TAFA1: variants seen among roughly 807,000 people sequenced by gnomAD.
TAFA1 encodes the protein chemokine-like protein TAFA-1.
Under a neutral mutation model 18.5 loss-of-function variants are expected in TAFA1, and 4 were observed. The observed-to-expected ratio is 0.22, with a 90% CI of 0.11 to 0.49. TAFA1 has a LOEUF of 0.49. Ranked by LOEUF, TAFA1 falls within the 20% of genes least tolerant of loss-of-function variation. The pLI, the probability that TAFA1 is intolerant of heterozygous loss-of-function variation, is 0.98. For synonymous variants in TAFA1, 56 were observed against 55.2 expected (o/e 1.01, Z -0.06); for missense variants, 147 against 169.0 (o/e 0.87, Z 0.72).
chr3:68,322,630 G>A (rs1363947955), intron 2 of TAFA1, among the ~76,000 whole-genome samples: 1 of 152,076 alleles, frequency 6.6e-6, no homozygotes, highest in African/African-American at 2.4e-5. Context: ...CCAGGAGTTG[G>A]CTGCTATAAG....
rs763656141 is a variant in TAFA1 at position 68,510,758 on chromosome 3, A to G, written c.260-27998A>G. The stretch of plus-strand genomic sequence containing the variant: ...CTGGGGAATTTTGACTCCCAATTCA[A>G]TTTCTTCCCACTGTCTCTTTTGCAT... On this transcript the variant is annotated intron_variant, in intron 3 of 4. Coordinates refer to ENST00000478136, the MANE Select transcript of TAFA1 (RefSeq NM_213609.4). 2.6e-5 allele frequency among the ~76,000 whole-genome samples: 4 copies of G among 152,164 alleles called. No homozygotes were observed. In the South Asian group the frequency reaches 6.2e-4, roughly 24 times the overall value.
At chr3:68,543,397 G>C (rs2073409014) in intron 4 of TAFA1, among the ~76,000 whole-genome samples, 3 of 152,084 alleles carry the variant, frequency 2.0e-5, no homozygotes, top group African/African-American at 7.2e-5. Context: ...AAACCACGCT[G>C]GGTTTGCTTC....
At chr3:68,458,165 G>A (rs1001887202) in intron 3 of TAFA1, among the ~76,000 whole-genome samples, 1 of 152,004 alleles carries the variant, frequency 6.6e-6, no homozygotes, top group East Asian at 1.9e-4. Flanking sequence ...CATGAGATCT[G>A]GTTGTTTAAA....
rs571935308 is a variant in TAFA1, at chr3:68,064,155, G to A, written c.118+57411G>A. 3.9e-5 allele frequency among the ~76,000 whole-genome samples: 6 copies of A among 152,294 alleles called. No homozygotes were observed. In the East Asian group the frequency reaches 9.6e-4, roughly 24 times the overall value. On this transcript the variant is annotated intron_variant, in intron 2 of 4. Coordinates refer to ENST00000478136, the MANE Select transcript of TAFA1 (RefSeq NM_213609.4). The stretch of plus-strand genomic sequence containing the variant: ...ATGCTGCTGTGTAGCAAACCCAGGT[G>A]GAGAGGTAAAAACGTGATGAGGTGG...
chr3:68,279,377 G>A (rs1269086751), intron 2 of TAFA1, among the ~76,000 whole-genome samples: 1 of 152,038 alleles, frequency 6.6e-6, no homozygotes, highest in African/African-American at 2.4e-5. Flanking sequence ...ATGATGCACA[G>A]GTGTTCATTC....
intron 2 of TAFA1, among the ~76,000 whole-genome samples, chr3:68,227,372 G>A (rs2066815325): frequency 6.6e-6 from 1 of 152,158 alleles, no homozygotes; most frequent in African/African-American, 2.4e-5. Context: ...GGTTTGGGCT[G>A]TGTTGAGAAC....
chr3:68,098,671 G>A (rs545426270), intron 2 of TAFA1, among the ~76,000 whole-genome samples: 6 of 152,074 alleles, frequency 3.9e-5, no homozygotes, highest in African/African-American at 9.6e-5. Flanking sequence ...AGGGAGATAC[G>A]AATGCTATGA....
intron 2 of TAFA1, among the ~76,000 whole-genome samples, chr3:68,412,336 CT>C (rs35603734): frequency 3.1e-4 from 45 of 147,092 alleles, no homozygotes; most frequent in Admixed American, 1.1e-3. Flanking sequence ...GGGCAAGTTT[CT>C]TTTTTTTTTC....
intron 3 of TAFA1, among the ~76,000 whole-genome samples, chr3:68,529,079 C>G (rs1423927362): frequency 6.6e-6 from 1 of 151,494 alleles, no homozygotes; most frequent in Non-Finnish European, 1.5e-5. Context: ...CTTGACCTAC[C>G]CCATGCCACT....
chr3:68,243,875 G>A (rs1158755675), intron 2 of TAFA1, among the ~76,000 whole-genome samples: 1 of 152,128 alleles, frequency 6.6e-6, no homozygotes, highest in African/African-American at 2.4e-5. Flanking sequence ...ATTTTCTAGA[G>A]TGACTATACC....
intron 2 of TAFA1, among the ~76,000 whole-genome samples, chr3:68,245,714 A>G (rs1413283974): frequency 6.6e-6 from 1 of 152,246 alleles, no homozygotes; most frequent in African/African-American, 2.4e-5. Flanking sequence ...TCTACTGATT[A>G]CTTGCTAAAT....
At chr3:67,998,590 T>TA in the TAFA1 span, among the ~76,000 whole-genome samples, 1 of 152,210 alleles carries the variant, frequency 6.6e-6, no homozygotes, top group South Asian at 2.1e-4. Context: ...AAGCTAGGAA[T>TA]AAATAATCCT....
intron 2 of TAFA1, among the ~76,000 whole-genome samples, chr3:68,403,297 T>C (rs1371930170): frequency 6.6e-6 from 1 of 152,208 alleles, no homozygotes; most frequent in Non-Finnish European, 1.5e-5. Context: ...TAGTAGACTG[T>C]ATAGTACGCT....
At chr3:68,252,111 C>T (rs887807868) in intron 2 of TAFA1, among the ~76,000 whole-genome samples, 1 of 152,130 alleles carries the variant, frequency 6.6e-6, no homozygotes, top group African/African-American at 2.4e-5. Flanking sequence ...TCTCAGTTGG[C>T]TTGTTTCTCA....
At chr3:68,364,480 A>ATTTTAAT (rs2069529231) in intron 2 of TAFA1, among the ~76,000 whole-genome samples, 1 of 152,206 alleles carries the variant, frequency 6.6e-6, no homozygotes, top group Admixed American at 6.5e-5. Context: ...GTAAAGAGAG[A>ATTTTAAT]TTTGGTACAA....
At chr3:68,369,489 C>A (rs951594544) in intron 2 of TAFA1, among the ~76,000 whole-genome samples, 5 of 152,118 alleles carry the variant, frequency 3.3e-5, no homozygotes, top group African/African-American at 1.2e-4. Context: ...TTGAAGTTAG[C>A]AAAATATTTA....
chr3:68,217,135 A>G (rs1161618142), intron 2 of TAFA1, among the ~76,000 whole-genome samples: 3 of 152,144 alleles, frequency 2.0e-5, no homozygotes, highest in Non-Finnish European at 2.9e-5. Flanking sequence ...AGATTACCAC[A>G]GCCAAGTTAA....
intron 2 of TAFA1, among the ~76,000 whole-genome samples, chr3:68,137,182 A>G (rs2065617881): frequency 6.6e-6 from 1 of 152,208 alleles, no homozygotes. Context: ...CAGAAAAACA[A>G]AGCAAAACAA....
chr3:68,258,580 G>A (rs1401811660), intron 2 of TAFA1, among the ~76,000 whole-genome samples: 1 of 152,146 alleles, frequency 6.6e-6, no homozygotes, highest in Non-Finnish European at 1.5e-5. Flanking sequence ...GTGAATCTAA[G>A]TGTTCAGAGA....
Sources: allele counts gnomAD v4.1 joint callset (sites outside exome capture counted in the v4.1 genomes callset), GRCh38; gene constraint gnomAD v4.1.1; transcripts MANE v1.5; gene names NCBI Gene and HGNC (gene_info 2026-07-23, HGNC 2026-07-21).